The following MFHAS1 variants were observed in gnomAD, a reference collection of about 807,000 sequenced individuals.
MFHAS1 encodes the protein malignant fibrous histiocytoma-amplified sequence 1.
Under a neutral mutation model 70.4 loss-of-function variants are expected in MFHAS1, and 50 were observed. The ratio of observed to expected loss-of-function variants is 0.71; its 90% confidence interval spans 0.57 to 0.90. The LOEUF (loss-of-function observed/expected upper bound fraction) is 0.90, where lower values mean the gene tolerates loss of function less well. MFHAS1 is among the 40% of genes least tolerant of loss of function. MFHAS1 has a pLI of 0.00. For missense variants in MFHAS1, 1,795 were observed against 1,347.6 expected (o/e 1.33, Z -5.20); for synonymous variants, 952 against 620.0 (o/e 1.54, Z -7.96).
intron 1 of MFHAS1, among the ~76,000 whole-genome samples, chr8:8,882,780 C>G (rs982100098): frequency 1.2e-4 from 18 of 152,202 alleles, no homozygotes; most frequent in African/African-American, 4.1e-4. Flanking sequence ...TAATCCCTCC[C>G]TGCTGAAGTG....
At chr8:8,857,483 G>C (rs1808486949) in intron 1 of MFHAS1, among the ~76,000 whole-genome samples, 1 of 152,128 alleles carries the variant, frequency 6.6e-6, no homozygotes, top group East Asian at 1.9e-4. Context: ...TTCAGGCCCG[G>C]CGCGGTGTCT....
intron 1 of MFHAS1, among the ~76,000 whole-genome samples, chr8:8,815,137 T>G (rs1447665625): frequency 6.6e-6 from 1 of 152,124 alleles, no homozygotes; most frequent in Admixed American, 6.5e-5. Context: ...TGTTCCTGTG[T>G]TAGTTTGCTG....
intron 1 of MFHAS1, among the ~76,000 whole-genome samples, chr8:8,842,649 G>C (rs1377119159): frequency 6.6e-6 from 1 of 152,178 alleles, no homozygotes; most frequent in Non-Finnish European, 1.5e-5. Context: ...CCAGGAGCTG[G>C]TAAGGAAAGG....
chr8:8,852,911 T>TA (rs1335879117), intron 1 of MFHAS1, among the ~76,000 whole-genome samples: 1 of 152,176 alleles, frequency 6.6e-6, no homozygotes, highest in Non-Finnish European at 1.5e-5. Context: ...TCTACATACT[T>TA]AAAGTCAGAA....
chr8:8,846,679 C>G (rs927844504), intron 1 of MFHAS1, among the ~76,000 whole-genome samples: 3 of 152,036 alleles, frequency 2.0e-5, no homozygotes, highest in Admixed American at 6.5e-5. Context: ...ACAGCTGTCT[C>G]GGGGCCTCTG....
chr8:8,825,913 G>C (rs1308782753), intron 1 of MFHAS1, among the ~76,000 whole-genome samples: 1 of 152,174 alleles, frequency 6.6e-6, no homozygotes, highest in Admixed American at 6.5e-5. Flanking sequence ...AGGAGGCTCA[G>C]AGGTAGAAGG....
chr8:8,800,394 T>A (rs1475847383), intron 1 of MFHAS1, among the ~76,000 whole-genome samples: 1 of 152,086 alleles, frequency 6.6e-6, no homozygotes, highest in Non-Finnish European at 1.5e-5. Flanking sequence ...CTTATCAAAG[T>A]AATAAAATGA....
chr8:8,886,866 T>TTATAATCCCAGCAC lies in MFHAS1; in HGVS notation c.2998+3181_2998+3194dup, dbSNP rs1346704665. On this transcript the variant is annotated intron_variant, in intron 1 of 2. Transcript: ENST00000276282. ...GGTGGCCAAGCCTAGTGGCTCACGC[T>TTATAATCCCAGCAC]TATAATCCCAGCACTTTGCGAGACT... 4.6e-5 allele frequency among the ~76,000 whole-genome samples: 7 copies of TTATAATCCCAGCAC among 152,190 alleles called. 1 individual carries two copies. Among genetic ancestry groups the TTATAATCCCAGCAC allele is most frequent in the Non-Finnish European group, 8.8e-5 (6 of 68,034 alleles).
intron 1 of MFHAS1, among the ~76,000 whole-genome samples, chr8:8,838,400 T>C (rs1273633710): frequency 6.6e-6 from 1 of 152,162 alleles, no homozygotes; most frequent in Non-Finnish European, 1.5e-5. Flanking sequence ...GTATGCAAAC[T>C]ATACATCATT....
rs928461025 is a variant in MFHAS1 at position 8,784,031 on chromosome 8, G to C, written c.*1991C>G. The C allele has an allele frequency of 1.1e-4, 16 of 152,150 alleles. No individual in the cohort carries two copies. Among genetic ancestry groups the C allele is most frequent in the African/African-American group, 3.9e-4 (16 of 41,428 alleles). 9.4% of individuals were successfully genotyped at this position (152,150 alleles called of 1,614,324 possible). On this transcript the variant is annotated 3_prime_UTR_variant, in exon 3 of 3. Transcript: ENST00000276282. ...ACTGGTCAAAAATATTAGATATTAAGAATGTGGGCGTTTATGTTCGTAACA... is the reference window on the plus strand; with the variant it reads ...ACTGGTCAAAAATATTAGATATTAACAATGTGGGCGTTTATGTTCGTAACA...
chr8:8,819,385 C>G (rs897152054), intron 1 of MFHAS1, among the ~76,000 whole-genome samples: 5 of 152,076 alleles, frequency 3.3e-5, no homozygotes, highest in African/African-American at 1.2e-4. Context: ...GTGGGCGGAT[C>G]ACGAGGTCAG....
chr8:8,819,848 A>C (rs375206032), intron 1 of MFHAS1, among the ~76,000 whole-genome samples: 22 of 152,060 alleles, frequency 1.4e-4, no homozygotes, highest in African/African-American at 4.6e-4. Context: ...ACAGGTGCGC[A>C]CCACCATGCC....
chr8:8,792,108 T>C (rs891611164), intron 2 of MFHAS1, among the ~76,000 whole-genome samples: 1 of 152,108 alleles, frequency 6.6e-6, no homozygotes, highest in Non-Finnish European at 1.5e-5. Context: ...CATGGTGGCA[T>C]GTACCTGTAG....
At chr8:8,878,009 C>A (rs1353808542) in intron 1 of MFHAS1, among the ~76,000 whole-genome samples, 1 of 152,218 alleles carries the variant, frequency 6.6e-6, no homozygotes, top group African/African-American at 2.4e-5. Flanking sequence ...CCACCCACCT[C>A]CCTTCTTCAG....
Position 8,892,224 on chromosome 8 carries a change from T to G in MFHAS1, c.835A>C (p.Asn279His). Residue 279 changes from asparagine to histidine, a missense_variant, in exon 1 of 3, where the codon AAC becomes CAC. Physicochemically the swap from Asn to His is moderately conservative, Grantham distance 68. Coordinates refer to ENST00000276282, the MANE Select transcript of MFHAS1 (RefSeq NM_004225.3). The surrounding 1 kb of genome is among the most constrained non-coding windows in gnomAD (Gnocchi z 4.7). Reference protein sequence around the residue: ...FSCLQRLKMLNLSSNLFEEFP... With the variant: ...FSCLQRLKMLHLSSNLFEEFP... ...TCCTCGAAGAGGTTGGAGGAGAGGT[T>G]GAGCATTTTGAGCCGCTGCAGGCAG... 1.2e-6 allele frequency: 2 copies of G among 1,611,002 alleles called. No individual in the cohort carries two copies. The highest frequency in any genetic ancestry group is 1.7e-6 in the Non-Finnish European group (2 of 1,180,004).
Position 8,890,069 on chromosome 8 carries a change from G to A in MFHAS1, c.2990C>T (p.Ala997Val). 6.3e-7 allele frequency: 1 copy of A among 1,594,128 alleles called. No homozygotes were observed. Among genetic ancestry groups the A allele is most frequent in the Non-Finnish European group, 8.6e-7 (1 of 1,166,854 alleles). ...TCCCTCTCTCCACTTACCTGGAAAA[G>A]CATGTGGATTGGGCGATCCTCTCTT... ...CLKRGSPNPH[A>V]FPGELLSQPR... The change falls in exon 1 of 3, where the codon GCT (alanine) becomes GTT (valine). Residue 997 changes from alanine (A) to valine (V), a missense_variant. Transcript: ENST00000276282.
chr8:8,839,758 T>A (rs1291446119), intron 1 of MFHAS1, among the ~76,000 whole-genome samples: 3 of 152,190 alleles, frequency 2.0e-5, no homozygotes, highest in African/African-American at 7.2e-5. Context: ...CATCATGATA[T>A]CCTTGTAACA....
At chr8:8,857,629 G>A (rs1396385094) in intron 1 of MFHAS1, among the ~76,000 whole-genome samples, 6 of 151,484 alleles carry the variant, frequency 4.0e-5, no homozygotes, top group Admixed American at 6.6e-5. Context: ...GCATGGTGGC[G>A]GGTGCCTGTA....
At chr8:8,807,066 G>A (rs1283708063) in intron 1 of MFHAS1, among the ~76,000 whole-genome samples, 1 of 152,012 alleles carries the variant, frequency 6.6e-6, no homozygotes, top group Non-Finnish European at 1.5e-5. Flanking sequence ...TCAAAATATG[G>A]CACCTGAGCA....
Sources: gnomAD v4.1 joint callset for allele counts (sites outside exome capture counted in the v4.1 genomes callset) on GRCh38, gnomAD v4.1.1 for gene constraint, Gnocchi (gnomAD v3.1) non-coding constraint, MANE v1.5 for transcripts, NCBI Gene and HGNC (gene_info 2026-07-23, HGNC 2026-07-21) for gene names.